Variants in DYRK1A observed in about 807,000 individuals in gnomAD.
DYRK1A encodes dual specificity tyrosine-phosphorylation-regulated kinase 1A.
A neutral mutation model predicts 79.7 loss-of-function variants in DYRK1A; 9 were observed. The observed-to-expected ratio is 0.11, with a 90% CI of 0.07 to 0.20. The LOEUF (loss-of-function observed/expected upper bound fraction) is 0.20, where lower values mean the gene tolerates loss of function less well. Among genes scored for constraint, DYRK1A ranks in the 10% least tolerant of loss-of-function variants. The pLI, the probability that DYRK1A is intolerant of heterozygous loss-of-function variation, is 1.00. For synonymous variants in DYRK1A, 349 were observed against 329.7 expected (o/e 1.06, Z -0.63); for missense variants, 622 against 956.0 (o/e 0.65, Z 4.61).
intron 1 of DYRK1A, among the ~76,000 whole-genome samples, chr21:37,387,488 A>G (rs2049782630): frequency 6.6e-6 from 1 of 152,158 alleles, no homozygotes. Context: ...TAGCCACTCA[A>G]TGTAGTTTTT....
chr21:37,494,945 TAAA>T (rs11312263), intron 8 of DYRK1A, among the ~76,000 whole-genome samples: 2 of 145,680 alleles, frequency 1.4e-5, no homozygotes, highest in Non-Finnish European at 1.5e-5. Flanking sequence ...AAGACTCCAT[TAAA>T]AAAAAAAAAA....
chr21:37,405,797 A>C (rs1280753318), intron 1 of DYRK1A, among the ~76,000 whole-genome samples: 4 of 152,178 alleles, frequency 2.6e-5, no homozygotes, highest in Admixed American at 2.6e-4. Context: ...TGAACACTAT[A>C]CTGTGAAGTC....
At chr21:37,431,444 C>T (rs1044561631) in intron 2 of DYRK1A, among the ~76,000 whole-genome samples, 2 of 152,156 alleles carry the variant, frequency 1.3e-5, no homozygotes, top group African/African-American at 4.8e-5. Flanking sequence ...AGATGAGGCT[C>T]TATTGAAAGT....
At chr21:37,494,063 T>C (rs2053182738) in intron 8 of DYRK1A, among the ~76,000 whole-genome samples, 1 of 151,662 alleles carries the variant, frequency 6.6e-6, no homozygotes, top group African/African-American at 2.4e-5. Context: ...GGCTAATATT[T>C]GGATTTTTAC....
chr21:37,441,349 T>G (rs2051097541), intron 2 of DYRK1A, among the ~76,000 whole-genome samples: 1 of 152,158 alleles, frequency 6.6e-6, no homozygotes, highest in Non-Finnish European at 1.5e-5. Flanking sequence ...AATCTCTGCT[T>G]CTCATTTGAG....
chr21:37,487,326 T>G (rs1266380706), intron 6 of DYRK1A: 1 of 152,176 alleles, frequency 6.6e-6, no homozygotes, highest in Non-Finnish European at 1.5e-5. Context: ...ATAGTCTTCC[T>G]TCTGAAAACA....
At chr21:37,382,597 T>C (rs1354719828) in intron 1 of DYRK1A, among the ~76,000 whole-genome samples, 1 of 152,308 alleles carries the variant, frequency 6.6e-6, no homozygotes, top group East Asian at 1.9e-4. Context: ...TTCAACCTTT[T>C]GGCAGATTAT....
At chr21:37,476,558 CTTAAA>C (rs2052399467) in intron 3 of DYRK1A, among the ~76,000 whole-genome samples, 1 of 152,114 alleles carries the variant, frequency 6.6e-6, no homozygotes, top group Admixed American at 6.5e-5. Flanking sequence ...ATGCTGGGAA[CTTAAA>C]TTAAAAAAGA....
chr21:37,437,122 T>C (rs924221159), intron 2 of DYRK1A, among the ~76,000 whole-genome samples: 9 of 152,154 alleles, frequency 5.9e-5, no homozygotes, highest in African/African-American at 2.2e-4. Flanking sequence ...AGGTAGATGG[T>C]AGAGGAGACT....
At chr21:37,439,350 A>G (rs1373856395) in intron 2 of DYRK1A, among the ~76,000 whole-genome samples, 3 of 152,236 alleles carry the variant, frequency 2.0e-5, no homozygotes, top group South Asian at 2.1e-4. Context: ...ATAGACTACA[A>G]TGTTGAATAG....
At chr21:37,389,426 A>G (rs947853024) in intron 1 of DYRK1A, among the ~76,000 whole-genome samples, 10 of 152,238 alleles carry the variant, frequency 6.6e-5, no homozygotes, top group Admixed American at 4.6e-4. Flanking sequence ...TTGGCCTCTC[A>G]AAGTGCTTGG....
chr21:37,439,246 T>G (rs73408672), intron 2 of DYRK1A, among the ~76,000 whole-genome samples: 42,607 of 152,110 alleles, frequency 0.28, 6,147 homozygotes, highest in South Asian at 0.37. Flanking sequence ...AGACAATTTT[T>G]CTGCTTTCCA....
chr21:37,371,955 A>C (rs2049439505), intron 1 of DYRK1A, among the ~76,000 whole-genome samples: 1 of 152,174 alleles, frequency 6.6e-6, no homozygotes, highest in Non-Finnish European at 1.5e-5. Flanking sequence ...AAGCTTTCAC[A>C]AAAAGCTTTT....
chr21:37,491,094 G>A (rs2148615056), intron 7 of DYRK1A, among the ~76,000 whole-genome samples: 1 of 152,192 alleles, frequency 6.6e-6, no homozygotes, highest in South Asian at 2.1e-4. Flanking sequence ...AAATAAGTTT[G>A]TCTTATTTTC....
At position 37,523,064 on chromosome 21, in the gene DYRK1A, G is replaced by A. The variant is rs1313820142; in HGVS notation, c.*10533G>A. On this transcript the variant is annotated 3_prime_UTR_variant, in exon 12 of 12. Transcript: ENST00000647188. ...TTCTTAGTATTATTTTTTAGGGATA[G>A]GGTCTTGCTGTGTTGCCCAGGCTGC... 2 of 152,306 alleles carry A rather than the reference G, an allele frequency of 1.3e-5. No individual in the cohort carries two copies. The highest frequency in any genetic ancestry group is 1.9e-4 in the East Asian group (1 of 5,196). The allele number at this position is 152,306 out of a possible 1,614,324, so 9.4% of individuals were successfully genotyped here.
chr21:37,507,775 T>C (rs1222078468), intron 11 of DYRK1A, among the ~76,000 whole-genome samples: 1 of 150,788 alleles, frequency 6.6e-6, no homozygotes, highest in Non-Finnish European at 1.5e-5. Context: ...CCTTCCCTAC[T>C]CCGCTTAATG....
chr21:37,486,255 C>G, intron 5 of DYRK1A: 1 of 336,148 alleles, frequency 3.0e-6, no homozygotes, highest in African/African-American at 2.1e-5. Context: ...AAAAGAAATT[C>G]AATTTAAAAG....
Position 37,472,677 on chromosome 21 carries a change from CT to C in DYRK1A, c.11-5del. 1.9e-6 allele frequency: 3 copies of C among 1,573,214 alleles called. No individual in the cohort carries two copies. Among genetic ancestry groups the C allele is most frequent in the Non-Finnish European group, 2.6e-6 (3 of 1,153,676 alleles). ...ATTTCCTTTAAACCTCACTTATCTT[CT>C]TGTAGGAGGAGAGACTTCAGCATGC... On this transcript the variant is annotated splice_polypyrimidine_tract_variant and splice_region_variant and intron_variant, in intron 2 of 11. Transcript: ENST00000647188.
At chr21:37,411,674 G>A (rs1367414761) in intron 1 of DYRK1A, among the ~76,000 whole-genome samples, 1 of 152,144 alleles carries the variant, frequency 6.6e-6, no homozygotes, top group Non-Finnish European at 1.5e-5. Context: ...TATTGGTTGA[G>A]AAAATTCCAG....
Sources: gnomAD v4.1 joint callset for allele counts (sites outside exome capture counted in the v4.1 genomes callset) on GRCh38, gnomAD v4.1.1 for gene constraint, MANE v1.5 for transcripts, NCBI Gene and HGNC (gene_info 2026-07-23, HGNC 2026-07-21) for gene names.